CNTN3: variants seen among roughly 807,000 people sequenced by gnomAD.
CNTN3 encodes contactin-3.
In CNTN3, 60 loss-of-function variants were observed where a neutral mutation model predicts 119.1. That is an observed-to-expected ratio of 0.50 (90% CI 0.41 to 0.62). CNTN3 has a LOEUF of 0.62. Among genes scored for constraint, CNTN3 ranks in the 20% least tolerant of loss-of-function variants. The pLI is 0.00. For synonymous variants in CNTN3, 450 were observed against 438.7 expected, an observed-to-expected ratio of 1.03 and a Z score of -0.32; for missense variants, 1,101 against 1,242.4, an observed-to-expected ratio of 0.89 and a Z score of 1.71.
At position 74,264,501 on chromosome 3, in the gene CNTN3, C is replaced by T. The variant is rs781130256; in HGVS notation, c.2987G>A (p.Ser996Asn). The T allele has an allele frequency of 8.8e-6, 14 of 1,599,548 alleles. No individual in the cohort carries two copies. The highest frequency in any genetic ancestry group is 1.0e-5 in the Non-Finnish European group (12 of 1,168,642). Residue 996 changes from serine to asparagine, a missense_variant and splice_region_variant, in exon 23 of 23, where the codon AGT (serine) becomes AAT (asparagine). Transcript: ENST00000263665. ...SEQIRIPRIT[S>N]MDARGSTSAI... The stretch of plus-strand genomic sequence containing the variant: ...TGAAGTGGATCCTCTTGCATCCATA[C>T]CTGTCAAAGTTGATGAAGAGCTCAT...
rs763334472 is a variant in CNTN3, at chr3:74,264,396, T to A, written c.*5A>T. 1 of 1,459,536 alleles carries A rather than the reference T, an allele frequency of 6.9e-7. No individual in the cohort carries two copies. The highest frequency in any genetic ancestry group is 1.5e-5 in the South Asian group (1 of 67,740). The allele number at this position is 1,459,536 out of a possible 1,614,324, so 90.4% of individuals were successfully genotyped here. On this transcript the variant is annotated 3_prime_UTR_variant, in exon 23 of 23. Coordinates refer to ENST00000263665, the MANE Select transcript of CNTN3 (RefSeq NM_020872.3). The stretch of plus-strand genomic sequence containing the variant: ...TTTCCAATAAATAATAAAAAGGAGT[T>A]AATATCACCACAGGACATATACAAT...
intron 13 of CNTN3, among the ~76,000 whole-genome samples, chr3:74,316,183 A>G (rs1005135737): frequency 6.6e-6 from 1 of 152,234 alleles, no homozygotes; most frequent in African/African-American, 2.4e-5. Context: ...AATGACATGA[A>G]CAGACACTTT....
intron 5 of CNTN3, among the ~76,000 whole-genome samples, chr3:74,393,355 T>C (rs1422836059): frequency 6.6e-6 from 1 of 152,242 alleles, no homozygotes; most frequent in South Asian, 2.1e-4. Flanking sequence ...ATCTGATTGT[T>C]GGTGTTTAAA....
chr3:74,522,599 T>C (rs1575806419), intron 1 of CNTN3, among the ~76,000 whole-genome samples: 1 of 151,788 alleles, frequency 6.6e-6, no homozygotes, highest in East Asian at 1.9e-4. Flanking sequence ...ATATAAAGCC[T>C]TCTAACACCA....
At chr3:74,279,479 C>A (rs559629971) in intron 20 of CNTN3, among the ~76,000 whole-genome samples, 1 of 152,028 alleles carries the variant, frequency 6.6e-6, no homozygotes, top group Non-Finnish European at 1.5e-5. Flanking sequence ...AATGAATTAA[C>A]GGCATTCACA....
chr3:74,596,413 C>A lies in CNTN3; in HGVS notation c.-81+17978G>T, dbSNP rs935278396. On this transcript the variant is annotated intron_variant, in intron 1 of 22. Transcript: ENST00000263665. The stretch of plus-strand genomic sequence containing the variant: ...AAGCTGGAAGAACAAAGCTGGAGGC[C>A]TCACGCTACCTGACTTCAAACTATA... Among the ~76,000 whole-genome samples, 4 of 151,936 alleles carry A rather than the reference C, an allele frequency of 2.6e-5. No individual in the cohort carries two copies. The South Asian group carries it at 6.2e-4, about 24-fold the overall frequency.
At chr3:74,473,679 A>G (rs1047967338) in intron 4 of CNTN3, among the ~76,000 whole-genome samples, 2 of 152,210 alleles carry the variant, frequency 1.3e-5, no homozygotes, top group Non-Finnish European at 2.9e-5. Flanking sequence ...AACAAATAGA[A>G]AAGATGTAAA....
intron 5 of CNTN3, among the ~76,000 whole-genome samples, chr3:74,412,318 G>A (rs1225448582): frequency 6.6e-6 from 1 of 152,118 alleles, no homozygotes; most frequent in African/African-American, 2.4e-5. Context: ...AAGTAATGAT[G>A]CAAACTAGAC....
intron 16 of CNTN3, 24 bp from the exon 17 acceptor site, chr3:74,299,962 A>G (rs774516479): frequency 6.9e-7 from 1 of 1,454,762 alleles, no homozygotes; most frequent in Non-Finnish European, 9.4e-7. Flanking sequence ...AGAAACAGAG[A>G]TGAAATGGTA....
intron 4 of CNTN3, among the ~76,000 whole-genome samples, chr3:74,457,878 C>T (rs1702298407): frequency 6.6e-6 from 1 of 151,942 alleles, no homozygotes; most frequent in African/African-American, 2.4e-5. Flanking sequence ...GTTCTACATG[C>T]CCCATGAAGA....
intron 1 of CNTN3, among the ~76,000 whole-genome samples, chr3:74,546,785 G>T (rs1391290213): frequency 6.6e-6 from 1 of 152,144 alleles, no homozygotes; most frequent in Non-Finnish European, 1.5e-5. Context: ...CTTTGTGATT[G>T]TGTGAGTCAA....
rs138565373 is a variant in CNTN3, at chr3:74,448,009, A to G, written c.359-23069T>C. ...GTTGCCTGATGTCATTTTATGGATG[A>G]GACACTCAGCTGCGAACACCTGCTT... On this transcript the variant is annotated intron_variant, in intron 4 of 22. Transcript: ENST00000263665. 6.7e-3 allele frequency among the ~76,000 whole-genome samples: 1,024 copies of G among 152,288 alleles called. 17 individuals are homozygous for G. Among genetic ancestry groups the G allele is most frequent in the African/African-American group, 0.024 (980 of 41,576 alleles).
chr3:74,502,962 T>C (rs182500916), intron 2 of CNTN3, among the ~76,000 whole-genome samples: 35 of 152,318 alleles, frequency 2.3e-4, no homozygotes, highest in Non-Finnish European at 1.3e-4. Flanking sequence ...TATCTGTCTG[T>C]AGAATGAATA....
In CNTN3 at chr3:74,376,907, A is replaced by G. The variant is rs1240981535; in HGVS notation, c.455-5508T>C. On this transcript the variant is annotated intron_variant, in intron 5 of 22. Coordinates refer to ENST00000263665, the MANE Select transcript of CNTN3 (RefSeq NM_020872.3). ...AGTGCTTTGGCTAGAATTTTCAAAA[A>G]AACAAACAAACAAAAAAAACAGATG... 2.0e-5 allele frequency among the ~76,000 whole-genome samples: 3 copies of G among 149,674 alleles called. No homozygotes were observed. In the East Asian group the frequency reaches 6.0e-4, roughly 30 times the overall value.
At chr3:74,266,022 A>G (rs1386908055) in intron 22 of CNTN3, among the ~76,000 whole-genome samples, 1 of 152,110 alleles carries the variant, frequency 6.6e-6, no homozygotes, top group Non-Finnish European at 1.5e-5. Context: ...TAGGAGAAGA[A>G]TTTTTAAGGA....
At chr3:74,472,445 G>A (rs1234738224) in intron 4 of CNTN3, among the ~76,000 whole-genome samples, 1 of 152,096 alleles carries the variant, frequency 6.6e-6, no homozygotes, top group African/African-American at 2.4e-5. Context: ...CCCCAATAAT[G>A]TAGAGCCTGA....
intron 2 of CNTN3, among the ~76,000 whole-genome samples, chr3:74,516,902 G>T (rs1267446782): frequency 6.6e-6 from 1 of 151,886 alleles, no homozygotes; most frequent in African/African-American, 2.4e-5. Context: ...TCCCTGAGCT[G>T]TTTTTCAGTA....
At chr3:74,319,901 A>C in intron 13 of CNTN3, among the ~76,000 whole-genome samples, 1 of 152,202 alleles carries the variant, frequency 6.6e-6, no homozygotes, top group Admixed American at 6.5e-5. Context: ...TATGCAGCCA[A>C]AAAACACATG....
Position 74,296,002 on chromosome 3 carries a change from C to T in CNTN3, c.2402-766G>A, listed in dbSNP as rs115814760. On this transcript the variant is annotated intron_variant, in intron 18 of 22. Coordinates refer to ENST00000263665, the MANE Select transcript of CNTN3 (RefSeq NM_020872.3). ...GAATTTGAAACTTGGTTTGGAGAGT[C>T]GAGGAGTACTTGGAGCCCACTGATC... is the stretch of plus-strand genomic sequence containing the variant. 7.9e-3 allele frequency among the ~76,000 whole-genome samples: 1,198 copies of T among 152,084 alleles called. 13 individuals carry two copies. Among genetic ancestry groups the T allele is most frequent in the African/African-American group, 0.028 (1,146 of 41,488 alleles).
Sources: allele counts gnomAD v4.1 joint callset (sites outside exome capture counted in the v4.1 genomes callset), GRCh38; gene constraint gnomAD v4.1.1; transcripts MANE v1.5; gene names NCBI Gene and HGNC (gene_info 2026-07-23, HGNC 2026-07-21).